Variants in PTPRA observed in about 807,000 individuals in gnomAD.
PTPRA encodes receptor-type tyrosine-protein phosphatase alpha.
A neutral mutation model predicts 104.8 loss-of-function variants in PTPRA; 25 were observed. The ratio of observed to expected loss-of-function variants is 0.24; its 90% CI spans 0.17 to 0.33. The LOEUF (loss-of-function observed/expected upper bound fraction) is 0.33. Among genes scored for constraint, PTPRA ranks in the 10% least tolerant of loss-of-function variants. The pLI, the probability that PTPRA is intolerant of heterozygous loss-of-function variation, is 1.00. For missense variants in PTPRA, 765 were observed against 1,015.3 expected (o/e 0.75, Z 3.35); for synonymous variants, 323 against 368.9 (o/e 0.88, Z 1.43).
intron 3 of PTPRA, chr20:2,955,588 A>C (rs2061507171): frequency 1.0e-6 from 1 of 970,560 alleles, no homozygotes; most frequent in African/African-American, 1.8e-5. Context: ...ATATAATGAA[A>C]GTTGATATCT....
intron 1 of PTPRA, among the ~76,000 whole-genome samples, chr20:2,906,322 A>G (rs1045004174): frequency 1.3e-5 from 2 of 152,182 alleles, no homozygotes; most frequent in Non-Finnish European, 2.9e-5. Context: ...TATTTGTGTT[A>G]GATAAGTTTT....
chr20:2,952,859 G>C (rs2147813065), intron 3 of PTPRA, among the ~76,000 whole-genome samples: 1 of 152,254 alleles, frequency 6.6e-6, no homozygotes, highest in South Asian at 2.1e-4. Flanking sequence ...ATGTCTTCAA[G>C]TTTCATCCAT....
At chr20:2,875,189 G>A (rs1373208654) in intron 1 of PTPRA, among the ~76,000 whole-genome samples, 1 of 152,092 alleles carries the variant, frequency 6.6e-6, no homozygotes, top group Admixed American at 6.5e-5. Flanking sequence ...CCTGCTTGGA[G>A]TACATGCCCA....
At chr20:3,012,795 T>C (rs376614481) in intron 11 of PTPRA, among the ~76,000 whole-genome samples, 89 of 152,336 alleles carry the variant, frequency 5.8e-4, no homozygotes, top group African/African-American at 1.6e-3. Flanking sequence ...ACCCTTTTTT[T>C]CCCCTAACAT....
At chr20:2,969,912 G>T (rs34945836) in intron 5 of PTPRA, among the ~76,000 whole-genome samples, 30,918 of 151,800 alleles carry the variant, frequency 0.2, 3,569 homozygotes, top group East Asian at 0.38. Context: ...GGAGCTTGCA[G>T]TGAGCCGAGA....
At chr20:2,943,206 T>TCCCCCCCCCCC (rs147898735) in intron 2 of PTPRA, among the ~76,000 whole-genome samples, 1 of 97,156 alleles carries the variant, frequency 1.0e-5, no homozygotes, top group Admixed American at 1.1e-4. Context: ...TTGGAACATA[T>TCCCCCCCCCCC]CCCCCCACCC....
In PTPRA at chr20:3,035,768, C is replaced by A. The variant is rs199573187; in HGVS notation, c.2047-22C>A. The A allele has an allele frequency of 6.2e-7, 1 of 1,614,210 alleles. No individual in the cohort carries two copies. The highest frequency in any genetic ancestry group is 1.1e-5 in the South Asian group (1 of 91,082). On this transcript the variant is annotated intron_variant, in intron 21 of 23. Coordinates refer to ENST00000399903, the MANE Select transcript of PTPRA (RefSeq NM_001385305.1). The surrounding 1 kb of genome is among the most constrained non-coding windows in gnomAD (Gnocchi z 5.8). ...GGAAAAGCAGGGTTACCCCTGCCTC[C>A]CTGATCCCCTTTTTTCCAAAGGAGA...
intron 1 of PTPRA, among the ~76,000 whole-genome samples, chr20:2,909,506 C>T (rs1166425956): frequency 6.6e-6 from 1 of 151,470 alleles, no homozygotes; most frequent in Non-Finnish European, 1.5e-5. Context: ...TGCTTCAACC[C>T]AGGAGGCGGA....
intron 1 of PTPRA, among the ~76,000 whole-genome samples, chr20:2,919,876 G>A (rs900932738): frequency 3.9e-5 from 6 of 152,178 alleles, no homozygotes; most frequent in Non-Finnish European, 8.8e-5. Flanking sequence ...ACATCTTTGA[G>A]TGGTTGGAAA....
upstream of PTPRA, among the ~76,000 whole-genome samples, chr20:2,872,650 C>A (rs898014530): frequency 2.0e-5 from 3 of 152,228 alleles, no homozygotes; most frequent in African/African-American, 7.2e-5. The surrounding 1 kb of genome is among the most constrained non-coding windows in gnomAD (Gnocchi z 7.9). Flanking sequence ...CGCGGGGATC[C>A]GTGTAGGAAC....
At chr20:2,895,079 A>G (rs1272021429) in intron 1 of PTPRA, among the ~76,000 whole-genome samples, 1 of 151,308 alleles carries the variant, frequency 6.6e-6, no homozygotes, top group Non-Finnish European at 1.5e-5. Flanking sequence ...CTTGTTATTT[A>G]TTTATTTATT....
At chr20:2,937,212 C>T (rs1017252169) in intron 2 of PTPRA, among the ~76,000 whole-genome samples, 1 of 151,512 alleles carries the variant, frequency 6.6e-6, no homozygotes, top group African/African-American at 2.4e-5. Flanking sequence ...CAATCTCCAC[C>T]TCCCGGGTTC....
chr20:2,999,294 T>C (rs896589678), intron 9 of PTPRA, among the ~76,000 whole-genome samples: 1 of 152,316 alleles, frequency 6.6e-6, no homozygotes, highest in South Asian at 2.1e-4. Flanking sequence ...CCCCAAGATA[T>C]ATAGATTCAA....
At chr20:3,002,069 G>A (rs1437150260) in intron 9 of PTPRA, among the ~76,000 whole-genome samples, 2 of 152,060 alleles carry the variant, frequency 1.3e-5, no homozygotes, top group East Asian at 1.9e-4. Context: ...CAGCCCAGGA[G>A]TTCAAGGCTG....
chr20:3,026,966 G>A (rs899891755), intron 18 of PTPRA, among the ~76,000 whole-genome samples, 155 bp from the exon 19 acceptor site: 7 of 152,144 alleles, frequency 4.6e-5, no homozygotes, highest in Non-Finnish European at 2.9e-5. Context: ...TGGAAATAAC[G>A]TAAAAGCCAA....
intron 1 of PTPRA, among the ~76,000 whole-genome samples, chr20:2,915,217 A>G (rs1036918674): frequency 2.6e-5 from 4 of 152,014 alleles, no homozygotes; most frequent in African/African-American, 9.7e-5. Context: ...TCAGCCTCCC[A>G]AGTAGCTGAG....
chr20:2,896,702 C>T (rs2059014640), intron 1 of PTPRA, among the ~76,000 whole-genome samples: 1 of 152,136 alleles, frequency 6.6e-6, no homozygotes, highest in South Asian at 2.1e-4. Flanking sequence ...GATTCACAGA[C>T]CCTACTCAAA....
At chr20:2,866,693 A>C in the PTPRA span, 2 of 1,440,130 alleles carry the variant, frequency 1.4e-6, no homozygotes, top group East Asian at 4.6e-5. Context: ...GGGGCATGGT[A>C]GCAGGGCTGT....
chr20:2,907,548 C>T (rs1418910401), intron 1 of PTPRA, among the ~76,000 whole-genome samples: 1 of 152,178 alleles, frequency 6.6e-6, no homozygotes, highest in Non-Finnish European at 1.5e-5. Flanking sequence ...TTTTATAAAT[C>T]ACCCAACTAA....
Sources: allele counts gnomAD v4.1 joint callset (sites outside exome capture counted in the v4.1 genomes callset), GRCh38; gene constraint gnomAD v4.1.1; non-coding constraint Gnocchi (gnomAD v3.1); transcripts MANE v1.5; gene names NCBI Gene and HGNC (gene_info 2026-07-23, HGNC 2026-07-21).